BANK1: variants seen among roughly 807,000 people sequenced by gnomAD.
BANK1 encodes B-cell scaffold protein with ankyrin repeats.
In BANK1, 95 loss-of-function variants were observed where a neutral mutation model predicts 94.5. The observed-to-expected ratio is 1.00, with a 90% CI of 0.85 to 1.19. The LOEUF is 1.19. Ranked by LOEUF, BANK1 falls within the 50% of genes most tolerant of loss-of-function variation. The pLI, the probability that BANK1 is intolerant of heterozygous loss-of-function variation, is 0.00. For missense variants in BANK1, 987 were observed against 932.2 expected, an observed-to-expected ratio of 1.06 and a Z score of -0.77; for synonymous variants, 334 against 308.4, an observed-to-expected ratio of 1.08 and a Z score of -0.87.
chr4:102,014,366 A>C (rs537088991), intron 7 of BANK1, among the ~76,000 whole-genome samples: 2 of 152,218 alleles, frequency 1.3e-5, no homozygotes, highest in Non-Finnish European at 2.9e-5. Context: ...CCTTACCAAG[A>C]AAACCCACAT....
At position 102,063,136 on chromosome 4, in the gene BANK1, A is replaced by G. The variant is rs202199731; in HGVS notation, c.2210A>G (p.Tyr737Cys). ...IGKRPEEENV[Y>C]NKLTIVHHPG... is the part of the protein sequence containing the mutation. Reference sequence around the variant, plus strand: ...AAAAGGCCAGAAGAAGAAAATGTCTATAGTAAGTAAGATTCGCCTGCTATT... The same window carrying G: ...AAAAGGCCAGAAGAAGAAAATGTCTGTAGTAAGTAAGATTCGCCTGCTATT... The change falls in exon 13 of 17, where the codon TAT (tyrosine) becomes TGT (cysteine). Residue 737 changes from tyrosine (Y) to cysteine (C), a missense_variant and splice_region_variant. Physicochemically the swap from Tyr to Cys is radical, Grantham distance 194. Coordinates refer to ENST00000322953, the MANE Select transcript of BANK1 (RefSeq NM_017935.5). 2.5e-6 allele frequency: 4 copies of G among 1,611,370 alleles called. No individual in the cohort carries two copies. The East Asian group carries it at 6.7e-5, about 27-fold the overall frequency.
chr4:101,836,404 T>TG (rs1490512804), intron 2 of BANK1, among the ~76,000 whole-genome samples: 1 of 152,154 alleles, frequency 6.6e-6, no homozygotes, highest in Non-Finnish European at 1.5e-5. Flanking sequence ...CACTTAAACC[T>TG]GGGAGGCAGA....
At position 102,068,047 on chromosome 4, in the gene BANK1, A is replaced by G. The variant is rs142047112; in HGVS notation, c.2213-3228A>G. 3.8e-3 allele frequency among the ~76,000 whole-genome samples: 582 copies of G among 152,276 alleles called. 4 individuals carry two copies. The highest frequency in any genetic ancestry group is 0.013 in the African/African-American group (551 of 41,578). On this transcript the variant is annotated intron_variant, in intron 13 of 16. Transcript: ENST00000322953. ...AATTATATATCTAGAACATCTCCCAATATATTTAGGAATTAAACACAACAT... is the reference window on the plus strand; with the variant it reads ...AATTATATATCTAGAACATCTCCCAGTATATTTAGGAATTAAACACAACAT...
At position 101,790,935 on chromosome 4, in the gene BANK1, G is replaced by T. The variant is rs908389246; in HGVS notation, c.55G>T (p.Gly19Cys). ...GLGSPDPAPC[G>C]PAPPGNTKDI... is the part of the protein sequence containing the mutation. ...TGGGAGCCCGGACCCCGCCCCCTGC[G>T]GCCCAGCGCCCCCAGGTGGGTAGTC... The change falls in exon 1 of 17, where the codon GGC (glycine) becomes TGC (cysteine). Residue 19 changes from glycine (G) to cysteine (C), a missense_variant. Physicochemically the swap from Gly to Cys is radical, Grantham distance 159 (BLOSUM62 -3). Coordinates refer to ENST00000322953, the MANE Select transcript of BANK1 (RefSeq NM_017935.5). 3 of 1,526,966 alleles carry T rather than the reference G, an allele frequency of 2.0e-6. No individual in the cohort carries two copies. The highest frequency in any genetic ancestry group is 1.9e-4 in the Middle Eastern group (1 of 5,354). The allele number at this position is 1,526,966 out of a possible 1,614,324, so 94.6% of individuals were successfully genotyped here. A position where few individuals can be genotyped will look rare whatever the true frequency, so the allele number is the denominator to read the frequency against.
chr4:101,984,363 A>T (rs1304743479), intron 7 of BANK1, among the ~76,000 whole-genome samples: 1 of 152,016 alleles, frequency 6.6e-6, no homozygotes, highest in Admixed American at 6.6e-5. Context: ...CTAAGTAGTT[A>T]TTCTCTTTAT....
chr4:101,889,350 A>G (rs1300749434), intron 5 of BANK1, among the ~76,000 whole-genome samples: 3 of 152,040 alleles, frequency 2.0e-5, no homozygotes, highest in South Asian at 2.1e-4. Context: ...TGATCTTTTA[A>G]AAGAATCACA....
chr4:101,891,064 G>A (rs1721850865), intron 5 of BANK1, among the ~76,000 whole-genome samples: 1 of 152,086 alleles, frequency 6.6e-6, no homozygotes, highest in Non-Finnish European at 1.5e-5. Flanking sequence ...AAGAAGGAAA[G>A]TCTATCATAC....
chr4:101,918,906 G>T (rs1722914768), intron 7 of BANK1, among the ~76,000 whole-genome samples: 1 of 151,804 alleles, frequency 6.6e-6, no homozygotes, highest in South Asian at 2.1e-4. Context: ...TTTCCAGAGA[G>T]TATATTTAAA....
At chr4:101,933,729 T>G (rs1403600605) in intron 7 of BANK1, among the ~76,000 whole-genome samples, 2 of 151,308 alleles carry the variant, frequency 1.3e-5, no homozygotes, top group Non-Finnish European at 3.0e-5. Flanking sequence ...GGTCAAACAT[T>G]TATTGAAAGA....
chr4:101,830,274 A>T, intron 2 of BANK1, 68 bp downstream of exon 2: 1 of 1,334,742 alleles, frequency 7.5e-7, no homozygotes, highest in East Asian at 2.6e-5. Context: ...AAAGAATTGC[A>T]AGTTGTTTTA....
intron 7 of BANK1, among the ~76,000 whole-genome samples, chr4:101,922,480 A>G (rs1160893199): frequency 6.6e-6 from 1 of 151,802 alleles, no homozygotes; most frequent in Non-Finnish European, 1.5e-5. Flanking sequence ...CAGGTACACT[A>G]AAGGTGCTCA....
chr4:101,944,045 A>T lies in BANK1; in HGVS notation c.1206+25856A>T, dbSNP rs1279363025. On this transcript the variant is annotated intron_variant, in intron 7 of 16. Coordinates refer to ENST00000322953, the MANE Select transcript of BANK1 (RefSeq NM_017935.5). The stretch of plus-strand genomic sequence containing the variant: ...GTTTGTGTGTGTGTGTGTGTGAGAG[A>T]GAGAGAGAGAGAGAGAGAGACAGAC... 2.0e-5 allele frequency among the ~76,000 whole-genome samples: 3 copies of T among 150,448 alleles called. No individual in the cohort carries two copies. In the East Asian group the frequency reaches 6.1e-4, roughly 31 times the overall value.
chr4:102,050,400 C>T (rs1194115084), intron 11 of BANK1, among the ~76,000 whole-genome samples: 1 of 152,148 alleles, frequency 6.6e-6, no homozygotes, highest in Non-Finnish European at 1.5e-5. Context: ...GAATTATTTG[C>T]AGAGCTTTTA....
chr4:101,867,696 T>G (rs1412923219), intron 4 of BANK1, among the ~76,000 whole-genome samples: 1 of 151,458 alleles, frequency 6.6e-6, no homozygotes, highest in Non-Finnish European at 1.5e-5. Context: ...TTACTAAAAA[T>G]TTTTTAAAAG....
At chr4:102,024,357 T>A (rs1282328889) in intron 8 of BANK1, among the ~76,000 whole-genome samples, 2 of 152,188 alleles carry the variant, frequency 1.3e-5, no homozygotes, top group Non-Finnish European at 2.9e-5. Context: ...TTTAAATTTT[T>A]TGAATCCTTT....
At chr4:101,859,178 C>T (rs1175989013) in intron 3 of BANK1, among the ~76,000 whole-genome samples, 1 of 152,186 alleles carries the variant, frequency 6.6e-6, no homozygotes, top group Non-Finnish European at 1.5e-5. Context: ...ACAGTAAAAG[C>T]AGCAAAAGAT....
chr4:101,797,278 G>A (rs1725188415), intron 1 of BANK1, among the ~76,000 whole-genome samples: 1 of 152,162 alleles, frequency 6.6e-6, no homozygotes, highest in Non-Finnish European at 1.5e-5. Context: ...TTTTCAAGAT[G>A]TGACAAGGTT....
chr4:102,021,070 T>G (rs1012446203), intron 7 of BANK1, among the ~76,000 whole-genome samples: 1 of 152,160 alleles, frequency 6.6e-6, no homozygotes, highest in Non-Finnish European at 1.5e-5. Context: ...TTTGTAAAGA[T>G]GGAGAATAAA....
rs1047997541 is a variant in BANK1, at chr4:101,862,532, G to A, written c.631G>A (p.Gly211Ser). 31 of 1,600,832 alleles carry A rather than the reference G, an allele frequency of 1.9e-5. No individual in the cohort carries two copies. Among genetic ancestry groups the A allele is most frequent in the Admixed American group, 3.5e-5 (2 of 57,406 alleles). Residue 211 changes from glycine to serine, a missense_variant, in exon 4 of 17, where the codon GGT (glycine) becomes AGT (serine). By Grantham distance (56) the Gly-to-Ser change is moderately conservative. Coordinates refer to ENST00000322953, the MANE Select transcript of BANK1 (RefSeq NM_017935.5). ...TTACATTTTCATCTTACAGAATCCT[G>A]GTGAAATATTCATAATTTTGAGAGA... is the stretch of plus-strand genomic sequence containing the variant. ...LPTEIPCENPGEIFIILRDEV... is the reference protein window; with the variant it reads ...LPTEIPCENPSEIFIILRDEV...
Sources: allele counts gnomAD v4.1 joint callset (sites outside exome capture counted in the v4.1 genomes callset), GRCh38; gene constraint gnomAD v4.1.1; transcripts MANE v1.5; gene names NCBI Gene and HGNC (gene_info 2026-07-23, HGNC 2026-07-21).